PCSK5: variants seen among roughly 807,000 people sequenced by gnomAD.
PCSK5 encodes the protein proprotein convertase subtilisin/kexin type 5.
In PCSK5, 129 loss-of-function variants were observed where a neutral mutation model predicts 233.2. The observed-to-expected ratio is 0.55, with a 90% CI of 0.48 to 0.64. PCSK5 has a LOEUF of 0.64. Ranked by LOEUF, PCSK5 falls within the 30% of genes least tolerant of loss-of-function variation. PCSK5 has a pLI of 0.00. For synonymous variants in PCSK5, 825 were observed against 879.2 expected (o/e 0.94, Z 1.09); for missense variants, 2,076 against 2,430.1 (o/e 0.85, Z 3.06).
chr9:76,263,747 G>A (rs1219150523), intron 24 of PCSK5, among the ~76,000 whole-genome samples: 1 of 151,578 alleles, frequency 6.6e-6, no homozygotes. Context: ...CCTGCACATT[G>A]TGCACATGTA....
At chr9:76,214,276 C>T (rs183761366) in intron 20 of PCSK5, among the ~76,000 whole-genome samples, 129 of 149,158 alleles carry the variant, frequency 8.6e-4, no homozygotes, top group Non-Finnish European at 1.4e-3. Flanking sequence ...GCATGTTTGA[C>T]TTTTTCCCCA....
chr9:76,165,003 C>T (rs1052202370), intron 12 of PCSK5, among the ~76,000 whole-genome samples: 1 of 151,366 alleles, frequency 6.6e-6, no homozygotes, highest in Non-Finnish European at 1.5e-5. Flanking sequence ...CTTTCTCCTT[C>T]TCAATCTTTC....
intron 24 of PCSK5, among the ~76,000 whole-genome samples, chr9:76,274,531 G>A (rs1433900615): frequency 6.6e-6 from 1 of 150,596 alleles, no homozygotes; most frequent in East Asian, 1.9e-4. Flanking sequence ...TTAAGGCCTG[G>A]GTTAAGATTA....
intron 2 of PCSK5, among the ~76,000 whole-genome samples, chr9:75,945,392 G>T (rs902571540): frequency 1.2e-4 from 18 of 151,814 alleles, no homozygotes; most frequent in Non-Finnish European, 2.2e-4. Flanking sequence ...AAGAGATATT[G>T]TTGGCCCCAC....
intron 17 of PCSK5, among the ~76,000 whole-genome samples, chr9:76,185,558 AT>A (rs1361217579): frequency 1.3e-5 from 2 of 152,118 alleles, no homozygotes; most frequent in Non-Finnish European, 2.9e-5. Flanking sequence ...TTGGAGCATC[AT>A]TTTCATTTAG....
intron 1 of PCSK5, among the ~76,000 whole-genome samples, chr9:75,916,269 C>G (rs139225574): frequency 6.6e-6 from 1 of 152,122 alleles, no homozygotes; most frequent in East Asian, 1.9e-4. Context: ...AGCTTGGTGT[C>G]GGAAAAATCT....
intron 2 of PCSK5, among the ~76,000 whole-genome samples, chr9:75,977,513 T>C (rs1826076901): frequency 6.7e-6 from 1 of 150,192 alleles, no homozygotes; most frequent in Admixed American, 6.6e-5. Context: ...TCTGAGATTT[T>C]GTCTCTTGAG....
chr9:76,013,483 C>G (rs1356139601), intron 3 of PCSK5, among the ~76,000 whole-genome samples: 2 of 152,130 alleles, frequency 1.3e-5, no homozygotes, highest in Admixed American at 1.3e-4. Context: ...TTTTACTGTT[C>G]AGAAGTTCTG....
chr9:76,222,051 T>C (rs978470606), intron 20 of PCSK5, among the ~76,000 whole-genome samples: 4 of 152,216 alleles, frequency 2.6e-5, no homozygotes, highest in Non-Finnish European at 4.4e-5. Flanking sequence ...AGCTGCCTAA[T>C]GTTCATTCTG....
At chr9:76,087,014 G>A (rs375129909) in intron 7 of PCSK5, among the ~76,000 whole-genome samples, 11 of 152,054 alleles carry the variant, frequency 7.2e-5, no homozygotes, top group Non-Finnish European at 4.4e-5. Flanking sequence ...TTCATCACAC[G>A]TATTCTACTA....
chr9:76,261,846 C>T (rs1426713385), intron 24 of PCSK5, among the ~76,000 whole-genome samples: 1 of 152,162 alleles, frequency 6.6e-6, no homozygotes, highest in African/African-American at 2.4e-5. Context: ...TGATTTTTCA[C>T]ACAGATTTTG....
intron 1 of PCSK5, among the ~76,000 whole-genome samples, chr9:75,892,844 G>A (rs932723485): frequency 6.9e-4 from 105 of 152,308 alleles, no homozygotes; most frequent in Middle Eastern, 3.4e-3. Context: ...CCAGCCCTGT[G>A]GAGAACTGAG....
rs1222743968 is a variant in PCSK5, at chr9:76,137,588, A to C, written c.1312+3376A>C. Among the ~76,000 whole-genome samples, 3 of 152,272 alleles carry C rather than the reference A, an allele frequency of 2.0e-5. No homozygotes were observed. In the South Asian group the frequency reaches 6.2e-4, roughly 32 times the overall value. On this transcript the variant is annotated intron_variant, in intron 10 of 37. Transcript: ENST00000674117. ...GACTAAACATTGTTTGGCCTTGTTC[A>C]TCTTGTGAATAATCCTAGCTAAGTT... is the stretch of plus-strand genomic sequence containing the variant.
intron 5 of PCSK5, among the ~76,000 whole-genome samples, chr9:76,065,998 T>C (rs113694285): frequency 0.014 from 2,144 of 152,306 alleles, 55 homozygotes; most frequent in African/African-American, 0.049. Flanking sequence ...TATTCTGTTC[T>C]GTTGGTCAGT....
At chr9:76,226,155 G>A (rs140970204) in intron 20 of PCSK5, among the ~76,000 whole-genome samples, 31 of 152,246 alleles carry the variant, frequency 2.0e-4, no homozygotes, top group Admixed American at 7.8e-4. Flanking sequence ...GGTGTGCTGT[G>A]ATTAGATGTT....
chr9:76,041,416 G>A (rs1402282065), intron 5 of PCSK5, among the ~76,000 whole-genome samples: 1 of 152,126 alleles, frequency 6.6e-6, no homozygotes, highest in Non-Finnish European at 1.5e-5. Context: ...TGGAACAAAA[G>A]GCATCCTCTT....
intron 3 of PCSK5, among the ~76,000 whole-genome samples, chr9:76,009,747 G>T (rs570578924): frequency 1.3e-5 from 2 of 152,076 alleles, no homozygotes; most frequent in Non-Finnish European, 2.9e-5. Flanking sequence ...GTGAAAGCTA[G>T]ATTGATAGAT....
At chr9:75,904,272 T>G (rs150894374) in intron 1 of PCSK5, among the ~76,000 whole-genome samples, 1 of 152,184 alleles carries the variant, frequency 6.6e-6, no homozygotes, top group Non-Finnish European at 1.5e-5. Flanking sequence ...ACAGGTTTCC[T>G]TTGTCATAAA....
At chr9:76,198,425 G>T (rs1264976459) in intron 20 of PCSK5, among the ~76,000 whole-genome samples, 1 of 152,098 alleles carries the variant, frequency 6.6e-6, no homozygotes, top group East Asian at 1.9e-4. Context: ...TTACTAAAAT[G>T]GATTTATTTA....
Sources: allele counts gnomAD v4.1 joint callset (sites outside exome capture counted in the v4.1 genomes callset), GRCh38; gene constraint gnomAD v4.1.1; transcripts MANE v1.5; gene names NCBI Gene and HGNC (gene_info 2026-07-23, HGNC 2026-07-21).